Variants in PLAC1 observed in about 807,000 individuals in gnomAD.
PLAC1 encodes placenta-specific protein 1.
For missense variants in PLAC1, 136 were observed against 163.2 expected, an observed-to-expected ratio of 0.83 and a Z score of 0.91; for synonymous variants, 68 against 62.1, an observed-to-expected ratio of 1.09 and a Z score of -0.44.
chrX:134,631,010 C>T (rs2078258477), intron 1 of PLAC1, among the ~76,000 whole-genome samples: 1 of 111,473 alleles, frequency 9.0e-6, no homozygotes, highest in Admixed American at 9.5e-5. Flanking sequence ...CCAGAATAGG[C>T]AAATCCACAG....
intron 2 of PLAC1, among the ~76,000 whole-genome samples, chrX:134,713,520 C>G (rs1361132797): frequency 1.8e-5 from 2 of 111,860 alleles, no homozygotes; most frequent in African/African-American, 3.2e-5. Context: ...GCCCCTAAAA[C>G]AGCAATTACC....
In PLAC1 at chrX:134,687,162, T is replaced by G. The variant is rs1481483659; in HGVS notation, n.174+46273A>C. Among the ~76,000 whole-genome samples the G allele has an allele frequency of 6.3e-5, 7 of 111,190 alleles. No individual in the cohort carries two copies. The South Asian group carries it at 1.1e-3, about 18-fold the overall frequency. ...TCATTGGAAATGCCCAAGAAAAAAA[T>G]GTGTGTTACAATTTCTTAATTCAAA... On this transcript the variant is annotated intron_variant and non_coding_transcript_variant, in intron 2 of 2. Transcript: ENST00000466797.
intron 1 of PLAC1, among the ~76,000 whole-genome samples, chrX:134,655,030 C>T (rs932048948): frequency 3.6e-5 from 4 of 111,746 alleles, no homozygotes; most frequent in Non-Finnish European, 7.5e-5. Context: ...AATTTACAAA[C>T]ACATACATAG....
intron 2 of PLAC1, among the ~76,000 whole-genome samples, chrX:134,704,986 C>A (rs1359838562): frequency 4.4e-5 from 4 of 90,636 alleles, no homozygotes; most frequent in African/African-American, 1.9e-4. Context: ...AAGCGAGACT[C>A]CAACTCAAAA....
intron 2 of PLAC1, among the ~76,000 whole-genome samples, chrX:134,580,255 C>G (rs753237393): frequency 1.8e-5 from 2 of 111,966 alleles, no homozygotes; most frequent in Non-Finnish European, 3.8e-5. Flanking sequence ...TTAAACGTAG[C>G]GACTGAGATT....
At chrX:134,749,428 G>A (rs1285871656) in intron 1 of PLAC1, among the ~76,000 whole-genome samples, 1 of 111,905 alleles carries the variant, frequency 8.9e-6, no homozygotes, top group Non-Finnish European at 1.9e-5. Context: ...CTGGGAGGTT[G>A]AGGCTGCAGT....
intron 2 of PLAC1, among the ~76,000 whole-genome samples, chrX:134,712,219 G>A (rs769645932): frequency 1.5e-3 from 169 of 111,090 alleles, no homozygotes; most frequent in Non-Finnish European, 2.2e-3. Context: ...ATATTGGAAA[G>A]GTAAGGAAAA....
At chrX:134,607,504 G>C in intron 1 of PLAC1, 1 of 164,226 alleles carries the variant, frequency 6.1e-6, no homozygotes, top group Non-Finnish European at 1.2e-5. Flanking sequence ...GAAAAAGGAA[G>C]CCAAAGAGAA....
At chrX:134,682,121 C>T (rs974308795) in intron 2 of PLAC1, among the ~76,000 whole-genome samples, 3 of 112,118 alleles carry the variant, frequency 2.7e-5, no homozygotes, top group African/African-American at 9.7e-5. Context: ...TAGACTTGCA[C>T]CCTATAGTTT....
At chrX:134,665,353 C>T (rs2078433105) in intron 2 of PLAC1, among the ~76,000 whole-genome samples, 1 of 111,724 alleles carries the variant, frequency 9.0e-6, no homozygotes, top group African/African-American at 3.3e-5. Flanking sequence ...GTTTCTTTAG[C>T]TCAATCTAAT....
intron 2 of PLAC1, among the ~76,000 whole-genome samples, chrX:134,586,543 G>C (rs2124368521): frequency 9.0e-6 from 1 of 111,526 alleles, no homozygotes; most frequent in South Asian, 3.8e-4. Flanking sequence ...GAAAGGAAGA[G>C]TGGTAGGGGA....
chrX:134,659,929 A>C (rs758002302), upstream of PLAC1, among the ~76,000 whole-genome samples: 5 of 111,721 alleles, frequency 4.5e-5, no homozygotes, highest in Non-Finnish European at 7.5e-5. Flanking sequence ...TAGCACATGA[A>C]TCTGTGTTTG....
At chrX:134,654,056 T>C (rs916760295) in intron 1 of PLAC1, among the ~76,000 whole-genome samples, 1 of 111,832 alleles carries the variant, frequency 8.9e-6, no homozygotes, top group Non-Finnish European at 1.9e-5. Context: ...GGTTTTCATA[T>C]TCAAAGCTGC....
chrX:134,601,059 T>TACACACACAC (rs1227749297), intron 2 of PLAC1: 4 of 24,090 alleles, frequency 1.7e-4, no homozygotes, highest in Non-Finnish European at 3.8e-4. Context: ...ATTTTTTTTC[T>TACACACACAC]TCACACACAC....
At chrX:134,670,417 A>G (rs1164316287) in intron 2 of PLAC1, among the ~76,000 whole-genome samples, 2 of 111,753 alleles carry the variant, frequency 1.8e-5, no homozygotes, top group African/African-American at 6.5e-5. Context: ...CAGACTTCAT[A>G]TCATGCCATT....
intron 2 of PLAC1, among the ~76,000 whole-genome samples, chrX:134,600,688 T>C (rs975713038): frequency 9.1e-6 from 1 of 109,895 alleles, no homozygotes; most frequent in Non-Finnish European, 1.9e-5. Context: ...TTGACACTAG[T>C]TGGAGAAATG....
intron 1 of PLAC1, among the ~76,000 whole-genome samples, chrX:134,736,923 C>T (rs1247256194): frequency 4.4e-5 from 5 of 112,588 alleles, no homozygotes; most frequent in African/African-American, 1.6e-4. Context: ...GTTTTCAGAA[C>T]TTGCTTGCAT....
chrX:134,739,052 ATAAC>A (rs2147846658), intron 1 of PLAC1, among the ~76,000 whole-genome samples: 1 of 112,451 alleles, frequency 8.9e-6, no homozygotes, highest in East Asian at 2.8e-4. Flanking sequence ...ATCCTGAAGT[ATAAC>A]TCCTTATCGA....
At chrX:134,575,034 G>A (rs2124352568) in intron 2 of PLAC1, among the ~76,000 whole-genome samples, 1 of 111,325 alleles carries the variant, frequency 9.0e-6, no homozygotes, top group African/African-American at 3.3e-5. Context: ...AATGCTAGAG[G>A]TTCTTGGGAA....
Sources: allele counts gnomAD v4.1 joint callset (sites outside exome capture counted in the v4.1 genomes callset), GRCh38; gene constraint gnomAD v4.1.1; transcripts MANE v1.5; gene names NCBI Gene and HGNC (gene_info 2026-07-23, HGNC 2026-07-21).